DNAJC24: variants seen among roughly 807,000 people sequenced by gnomAD.
DNAJC24 encodes the protein dnaJ homolog subfamily C member 24.
Under a neutral mutation model 18.0 loss-of-function variants are expected in DNAJC24, and 17 were observed. The ratio of observed to expected loss-of-function variants is 0.94; its 90% CI spans 0.65 to 1.42. The LOEUF (loss-of-function observed/expected upper bound fraction) is 1.42, where lower values mean the gene tolerates loss of function less well. Ranked by LOEUF, DNAJC24 falls within the 40% of genes most tolerant of loss-of-function variation. The probability of loss-of-function intolerance (pLI) is 0.00; values close to 1 mark genes in which losing one functional copy is unlikely to be tolerated. For synonymous variants in DNAJC24, 55 were observed against 57.7 expected (o/e 0.95, Z 0.21); for missense variants, 158 against 175.6 (o/e 0.90, Z 0.57).
chr11:31,426,707 T>TC, intron 4 of DNAJC24: 1 of 164,914 alleles, frequency 6.1e-6, no homozygotes, highest in African/African-American at 2.4e-5. Flanking sequence ...GTTTTTTTTT[T>TC]CCGTTCCTTT....
intron 1 of DNAJC24, among the ~76,000 whole-genome samples, chr11:31,370,184 C>G (rs1952202634): frequency 6.6e-6 from 1 of 152,156 alleles, no homozygotes; most frequent in African/African-American, 2.4e-5. Flanking sequence ...ACAGGGGACT[C>G]TTGTTCTCTA....
At chr11:31,414,701 T>C (rs1952737702) in intron 2 of DNAJC24, 110 bp from the exon 3 acceptor site, 2 of 1,233,326 alleles carry the variant, frequency 1.6e-6, no homozygotes, top group African/African-American at 1.5e-5. Flanking sequence ...GCATTTGGTT[T>C]TCATCTTCTC....
chr11:31,406,023 G>A (rs36041740), intron 2 of DNAJC24, among the ~76,000 whole-genome samples: 63,564 of 151,940 alleles, frequency 0.42, 14,250 homozygotes, highest in African/African-American at 0.57. Context: ...CTACCTCCTA[G>A]TACTGTCACA....
In DNAJC24 at chr11:31,373,406, T is replaced by C. The variant is rs1952284894; in HGVS notation, c.111+2547T>C. On this transcript the variant is annotated intron_variant, in intron 2 of 4. Coordinates refer to ENST00000465995, the MANE Select transcript of DNAJC24 (RefSeq NM_181706.5). ...ATTTGTTGAAAATTTTTTTCTCCAT[T>C]GGACTGTCTTGGCAATATGAGTCTA... is the stretch of plus-strand genomic sequence containing the variant. Among the ~76,000 whole-genome samples the C allele has an allele frequency of 1.5e-5, 2 of 134,834 alleles. 1 individual carries two copies. Among genetic ancestry groups the C allele is most frequent in the Non-Finnish European group, 3.4e-5 (2 of 58,360 alleles). The allele number at this position is 134,834 out of a possible 152,430, so 88.5% of individuals were successfully genotyped here. A position where few individuals can be genotyped will look rare whatever the true frequency, so the allele number is the denominator to read the frequency against.
At chr11:31,392,380 A>G (rs1414839099) in intron 2 of DNAJC24, among the ~76,000 whole-genome samples, 12 of 152,194 alleles carry the variant, frequency 7.9e-5, no homozygotes, top group Non-Finnish European at 1.6e-4. Context: ...ATATAAACCT[A>G]GTATGTACTC....
intron 2 of DNAJC24, among the ~76,000 whole-genome samples, chr11:31,371,858 T>C (rs1468384968): frequency 6.7e-6 from 1 of 148,810 alleles, no homozygotes; most frequent in Non-Finnish European, 1.5e-5. Flanking sequence ...AGTTTTACTC[T>C]TGTTGCCCAG....
chr11:31,380,218 C>T (rs762463661), intron 2 of DNAJC24, among the ~76,000 whole-genome samples: 1 of 152,030 alleles, frequency 6.6e-6, no homozygotes, highest in Non-Finnish European at 1.5e-5. Context: ...AAGAATCTAG[C>T]TAAAAGAATC....
intron 1 of DNAJC24, among the ~76,000 whole-genome samples, chr11:31,370,342 A>G (rs961661724): frequency 6.6e-6 from 1 of 152,072 alleles, no homozygotes; most frequent in East Asian, 1.9e-4. Flanking sequence ...TTCATTTTGT[A>G]AATATTCATT....
chr11:31,430,170 T>G, intron 4 of DNAJC24, 101 bp from the exon 5 acceptor site: 1 of 1,083,112 alleles, frequency 9.2e-7, no homozygotes, highest in Non-Finnish European at 1.3e-6. Context: ...CTTCTTTGTT[T>G]TGTTTTACAA....
intron 2 of DNAJC24, chr11:31,408,369 A>G (rs1433783403): frequency 8.3e-6 from 3 of 363,100 alleles, no homozygotes; most frequent in East Asian, 1.5e-4. Context: ...AAGCTCTCAG[A>G]TGATGCTGAT....
intron 2 of DNAJC24, 49 bp downstream of exon 2, chr11:31,370,908 T>C (rs765305728): frequency 3.2e-6 from 4 of 1,245,986 alleles, no homozygotes; most frequent in South Asian, 1.4e-5. Flanking sequence ...AAAAATCAAT[T>C]TTTATATGAA....
intron 2 of DNAJC24, among the ~76,000 whole-genome samples, chr11:31,375,692 T>C (rs1453231672): frequency 7.4e-6 from 1 of 134,332 alleles, no homozygotes; most frequent in Admixed American, 7.7e-5. Flanking sequence ...ATAGTTGCAA[T>C]AGCCGGTTTA....
intron 2 of DNAJC24, among the ~76,000 whole-genome samples, chr11:31,393,541 G>A (rs1952518080): frequency 1.3e-5 from 2 of 152,244 alleles, no homozygotes; most frequent in East Asian, 1.9e-4. Context: ...AAAAGGGCAA[G>A]TTCAGTTCCC....
At chr11:31,416,859 C>A (rs1197878870) in intron 3 of DNAJC24, 1 of 152,050 alleles carries the variant, frequency 6.6e-6, no homozygotes, top group Non-Finnish European at 1.5e-5. Flanking sequence ...TCATTGTCTT[C>A]GAAAGGTCCT....
In DNAJC24 at chr11:31,430,500, G is replaced by A; in HGVS notation, c.*99G>A. On this transcript the variant is annotated 3_prime_UTR_variant, in exon 5 of 5. Coordinates refer to ENST00000465995, the MANE Select transcript of DNAJC24 (RefSeq NM_181706.5). ...AAGGAAATGGATTATTTGTCAGCCC[G>A]ATTATTTGCAAAGAAAATATACAAT... 3.8e-6 allele frequency: 4 copies of A among 1,060,604 alleles called. No individual in the cohort carries two copies. Among genetic ancestry groups the A allele is most frequent in the African/African-American group, 1.6e-5 (1 of 62,128 alleles). The allele number at this position is 1,060,604 out of a possible 1,614,324, so 65.7% of individuals were successfully genotyped here.
rs1276882735 is a variant in DNAJC24 at position 31,372,470 on chromosome 11, G to T, written c.111+1611G>T. Among the ~76,000 whole-genome samples the T allele has an allele frequency of 5.9e-5, 8 of 135,068 alleles. 2 individuals carry two copies. The highest frequency in any genetic ancestry group is 1.5e-4 in the Admixed American group (2 of 13,230). The allele number at this position is 135,068 out of a possible 152,430, so 88.6% of individuals were successfully genotyped here. On this transcript the variant is annotated intron_variant, in intron 2 of 4. Coordinates refer to ENST00000465995, the MANE Select transcript of DNAJC24 (RefSeq NM_181706.5). ...TTGCCCCAGAAGTTTTAAAGTTTCTGTCAGCAGAATCAAGTAGACTTTATT... is the reference window on the plus strand; with the variant it reads ...TTGCCCCAGAAGTTTTAAAGTTTCTTTCAGCAGAATCAAGTAGACTTTATT...
intron 2 of DNAJC24, among the ~76,000 whole-genome samples, chr11:31,386,320 A>G (rs1204386451): frequency 1.3e-5 from 2 of 151,758 alleles, no homozygotes; most frequent in African/African-American, 4.8e-5. Context: ...AATGCAGCTT[A>G]CAACTCTGGG....
intron 3 of DNAJC24, among the ~76,000 whole-genome samples, chr11:31,418,261 T>A (rs2133500216): frequency 6.6e-6 from 1 of 152,272 alleles, no homozygotes; most frequent in East Asian, 1.9e-4. Context: ...GAGATTGACC[T>A]ACTGTTTAGG....
At chr11:31,423,406 G>A (rs978799052) in intron 3 of DNAJC24, among the ~76,000 whole-genome samples, 2 of 152,084 alleles carry the variant, frequency 1.3e-5, no homozygotes, top group Admixed American at 6.5e-5. Context: ...GACTGCAGGC[G>A]CACACCACCA....
Sources: allele counts gnomAD v4.1 joint callset (sites outside exome capture counted in the v4.1 genomes callset), GRCh38; gene constraint gnomAD v4.1.1; transcripts MANE v1.5; gene names NCBI Gene and HGNC (gene_info 2026-07-23, HGNC 2026-07-21).